The following TENM2 variants were observed in gnomAD, a reference collection of about 807,000 sequenced individuals.
The protein encoded by TENM2 is teneurin transmembrane protein 2, also known as teneurin-2.
In TENM2, 52 loss-of-function variants were observed where a neutral mutation model predicts 245.2. That is an observed-to-expected ratio of 0.21 (90% confidence interval 0.17 to 0.27). TENM2 has a LOEUF of 0.27. Ranked by LOEUF, TENM2 falls within the 10% of genes least tolerant of loss-of-function variation. The pLI is 1.00. For synonymous variants in TENM2, 1,363 were observed against 1,438.9 expected, an observed-to-expected ratio of 0.95 and a Z score of 1.19; for missense variants, 3,046 against 3,666.8, an observed-to-expected ratio of 0.83 and a Z score of 4.37.
intron 25 of TENM2, among the ~76,000 whole-genome samples, chr5:168,234,771 A>G (rs759607053): frequency 6.6e-6 from 1 of 152,158 alleles, no homozygotes; most frequent in African/African-American, 2.4e-5. Context: ...GCTCTAGGAT[A>G]TTTCTTCCTG....
intron 4 of TENM2, among the ~76,000 whole-genome samples, chr5:167,983,144 G>T (rs941680006): frequency 3.2e-4 from 47 of 149,194 alleles, no homozygotes; most frequent in African/African-American, 1.0e-3. Context: ...CTTGAAAAAA[G>T]TCACCAAGTT....
chr5:167,751,799 A>C (rs1761974546), intron 2 of TENM2, among the ~76,000 whole-genome samples: 1 of 152,108 alleles, frequency 6.6e-6, no homozygotes, highest in Non-Finnish European at 1.5e-5. Context: ...GGCAAGAAGA[A>C]AGCAGGTTTT....
At chr5:167,668,835 T>G (rs1755744804) in intron 2 of TENM2, among the ~76,000 whole-genome samples, 1 of 152,086 alleles carries the variant, frequency 6.6e-6, no homozygotes, top group Non-Finnish European at 1.5e-5. Context: ...ACCCCTGTAG[T>G]CCCAGCTACT....
At chr5:168,042,649 A>G (rs1400585217) in intron 5 of TENM2, among the ~76,000 whole-genome samples, 2 of 152,090 alleles carry the variant, frequency 1.3e-5, no homozygotes, top group African/African-American at 2.4e-5. Context: ...ACTCCCTTGC[A>G]GTATTGCCTT....
Position 167,683,810 on chromosome 5 carries a change from C to T in TENM2, c.503-192176C>T, listed in dbSNP as rs1756898445. On this transcript the variant is annotated intron_variant, in intron 2 of 28. Coordinates refer to ENST00000518659, the Ensembl canonical transcript of TENM2. ...TTAATAACAATCGATCTATGAATGGCCTGCCAGCTTCACTCTCCAACACAT... is the reference window on the plus strand; with the variant it reads ...TTAATAACAATCGATCTATGAATGGTCTGCCAGCTTCACTCTCCAACACAT... Among the ~76,000 whole-genome samples the T allele has an allele frequency of 3.9e-5, 6 of 152,270 alleles. No individual in the cohort carries two copies. In the South Asian group the frequency reaches 1.2e-3, roughly 32 times the overall value.
At chr5:167,160,597 C>A in the TENM2 span, among the ~76,000 whole-genome samples, 1 of 152,244 alleles carries the variant, frequency 6.6e-6, no homozygotes, top group Non-Finnish European at 1.5e-5. Flanking sequence ...CTCTTTCAGG[C>A]CTCAGCTTAA....
chr5:167,620,083 A>C (rs556068880), intron 2 of TENM2, among the ~76,000 whole-genome samples: 1 of 152,278 alleles, frequency 6.6e-6, no homozygotes, highest in South Asian at 2.1e-4. Context: ...AGAGTCAATA[A>C]ATGCCTGTTA....
intron 2 of TENM2, among the ~76,000 whole-genome samples, chr5:167,614,033 A>G (rs552515589): frequency 6.6e-6 from 1 of 152,246 alleles, no homozygotes; most frequent in Non-Finnish European, 1.5e-5. Flanking sequence ...ATCTTTAGAA[A>G]TCATAGCATC....
At chr5:167,425,074 T>G (rs1336393732) in intron 2 of TENM2, among the ~76,000 whole-genome samples, 2 of 152,220 alleles carry the variant, frequency 1.3e-5, no homozygotes, top group Admixed American at 1.3e-4. Flanking sequence ...TAGATGGCTT[T>G]ATATGTTTGG....
chr5:168,007,203 T>C (rs1157199105), intron 5 of TENM2, among the ~76,000 whole-genome samples: 2 of 152,032 alleles, frequency 1.3e-5, no homozygotes, highest in Non-Finnish European at 2.9e-5. Flanking sequence ...CTCGGCTCAC[T>C]GCAACACCTC....
At chr5:167,551,643 TAAAC>T (rs1403935051) in intron 2 of TENM2, among the ~76,000 whole-genome samples, 2 of 152,000 alleles carry the variant, frequency 1.3e-5, no homozygotes, top group Non-Finnish European at 2.9e-5. Context: ...CACACAAAAA[TAAAC>T]CCATAAAATA....
the TENM2 span, among the ~76,000 whole-genome samples, chr5:167,265,250 T>C: frequency 6.9e-6 from 1 of 145,842 alleles, no homozygotes; most frequent in African/African-American, 2.6e-5. Flanking sequence ...GAGAATTGCT[T>C]GAACCCAGGA....
chr5:167,982,145 T>C (rs1782889544), intron 4 of TENM2, among the ~76,000 whole-genome samples: 1 of 152,200 alleles, frequency 6.6e-6, no homozygotes, highest in African/African-American at 2.4e-5. Flanking sequence ...TTGCACAGGC[T>C]GCTCCTGCTG....
chr5:168,019,569 C>A (rs1339206737), intron 5 of TENM2, among the ~76,000 whole-genome samples: 1 of 152,172 alleles, frequency 6.6e-6, no homozygotes, highest in Non-Finnish European at 1.5e-5. Context: ...ATTGATCAGC[C>A]TTTTGCTCGA....
At chr5:167,818,427 G>A (rs1767239187) in intron 2 of TENM2, among the ~76,000 whole-genome samples, 1 of 152,202 alleles carries the variant, frequency 6.6e-6, no homozygotes, top group South Asian at 2.1e-4. Flanking sequence ...TATAATAGCT[G>A]AGGGTTGTTA....
chr5:167,182,972 T>A, the TENM2 span, among the ~76,000 whole-genome samples: 1 of 152,202 alleles, frequency 6.6e-6, no homozygotes, highest in Non-Finnish European at 1.5e-5. Context: ...TATTAAAGTG[T>A]TCCACTGTTT....
intron 1 of TENM2, among the ~76,000 whole-genome samples, chr5:167,341,159 C>T (rs142064925): frequency 6.6e-5 from 10 of 152,220 alleles, no homozygotes; most frequent in African/African-American, 2.2e-4. Flanking sequence ...GGCGTGCCAC[C>T]GTTTCTCAAA....
chr5:167,989,271 AGAG>A (rs1359482477), intron 4 of TENM2, among the ~76,000 whole-genome samples: 1 of 61,814 alleles, frequency 1.6e-5, no homozygotes, highest in Non-Finnish European at 2.9e-5. Context: ...ATAGAGAAAG[AGAG>A]AGAGAGAGAG....
At chr5:167,596,834 G>A (rs1428916115) in intron 2 of TENM2, among the ~76,000 whole-genome samples, 1 of 151,650 alleles carries the variant, frequency 6.6e-6, no homozygotes, top group African/African-American at 2.4e-5. Context: ...AAATGCAGAG[G>A]CATCAAGAGA....
Sources: allele counts gnomAD v4.1 joint callset (sites outside exome capture counted in the v4.1 genomes callset), GRCh38; gene constraint gnomAD v4.1.1; transcripts MANE v1.5; gene names NCBI Gene and HGNC (gene_info 2026-07-23, HGNC 2026-07-21).